MAD1L1: variants seen among roughly 807,000 people sequenced by gnomAD.
The protein encoded by MAD1L1 is mitotic arrest deficient 1 like 1.
In MAD1L1, 95 loss-of-function variants were observed where a neutral mutation model predicts 96.9. That is an observed-to-expected ratio of 0.98 (90% CI 0.83 to 1.16). MAD1L1 has a LOEUF of 1.16. Among genes scored for constraint, MAD1L1 ranks in the 50% most tolerant of loss-of-function variants. The pLI is 0.00. For synonymous variants in MAD1L1, 473 were observed against 396.6 expected (o/e 1.19, Z -2.29); for missense variants, 1,007 against 954.4 (o/e 1.06, Z -0.73).
chr7:1,962,133 T>C (rs772547617), intron 15 of MAD1L1, among the ~76,000 whole-genome samples: 4 of 152,182 alleles, frequency 2.6e-5, no homozygotes, highest in African/African-American at 4.8e-5. Context: ...TTCTCATCTA[T>C]TGTGGGAAGG....
chr7:1,870,548 AACACCTGCCACGCTGAACCCAACAT>A, intron 18 of MAD1L1, among the ~76,000 whole-genome samples: 1 of 143,462 alleles, frequency 7.0e-6, no homozygotes, highest in Non-Finnish European at 1.5e-5. Flanking sequence ...AACCGACCAT[AACACCTGCCACGCTGAACCCAACAT>A]ACGCCTGCCA....
rs568009425 is a variant in MAD1L1 at position 2,159,302 on chromosome 7, T to A, written c.987-10064A>T. 5.3e-5 allele frequency among the ~76,000 whole-genome samples: 8 copies of A among 152,254 alleles called. No individual in the cohort carries two copies. In the South Asian group the frequency reaches 1.5e-3, roughly 28 times the overall value. On this transcript the variant is annotated intron_variant, in intron 10 of 18. Transcript: ENST00000265854. ...TTCTCCACGTCACTGCCTCAAAACC[T>A]CCCACAACGGGAGCCACATTCCCAC...
chr7:1,967,740 G>A (rs759263069), intron 15 of MAD1L1, among the ~76,000 whole-genome samples: 1 of 152,226 alleles, frequency 6.6e-6, no homozygotes, highest in South Asian at 2.1e-4. Context: ...ACCCAATGAC[G>A]GGGCACAGCA....
At chr7:1,910,289 G>A (rs1410207297) in intron 17 of MAD1L1, among the ~76,000 whole-genome samples, 2 of 152,286 alleles carry the variant, frequency 1.3e-5, no homozygotes, top group Non-Finnish European at 2.9e-5. Context: ...GTGATCCTCC[G>A]GACACCCTGC....
In MAD1L1 at chr7:1,889,183, G is replaced by A. The variant is rs562602852; in HGVS notation, c.1998+9017C>T. Among the ~76,000 whole-genome samples, 9 of 152,246 alleles carry A rather than the reference G, an allele frequency of 5.9e-5. No homozygotes were observed. The South Asian group carries it at 6.2e-4, about 11-fold the overall frequency. Reference sequence around the variant, plus strand: ...AGGTGAAGCCATGTGTCCAGGTCCCGGGGCTGGCAGAGGCAAGCGACATCC... The same window carrying A: ...AGGTGAAGCCATGTGTCCAGGTCCCAGGGCTGGCAGAGGCAAGCGACATCC... On this transcript the variant is annotated intron_variant, in intron 18 of 18. Transcript: ENST00000265854.
chr7:1,952,556 T>C (rs1451000754), intron 16 of MAD1L1, among the ~76,000 whole-genome samples: 1 of 142,376 alleles, frequency 7.0e-6, no homozygotes. Context: ...CGCTGTGCCC[T>C]GGCTTAGAGC....
chr7:2,166,972 T>G (rs943876654), intron 10 of MAD1L1, among the ~76,000 whole-genome samples: 1 of 152,222 alleles, frequency 6.6e-6, no homozygotes, highest in Non-Finnish European at 1.5e-5. Flanking sequence ...AACCGGAATC[T>G]GCCTAACTGG....
At chr7:1,910,410 G>A (rs927433451) in intron 17 of MAD1L1, among the ~76,000 whole-genome samples, 3 of 152,338 alleles carry the variant, frequency 2.0e-5, no homozygotes, top group African/African-American at 7.2e-5. Context: ...AGGGCTGGTC[G>A]CAGCAGCCGT....
chr7:2,005,153 G>A (rs964386285), intron 13 of MAD1L1, among the ~76,000 whole-genome samples: 1 of 152,120 alleles, frequency 6.6e-6, no homozygotes, highest in Non-Finnish European at 1.5e-5. Flanking sequence ...AGACATCGAC[G>A]AGCTGAGTGC....
intron 18 of MAD1L1, among the ~76,000 whole-genome samples, chr7:1,856,331 T>A (rs2128644267): frequency 6.6e-6 from 1 of 152,168 alleles, no homozygotes; most frequent in East Asian, 1.9e-4. Context: ...GGGGCCACGC[T>A]CTGGGCTCAG....
intron 17 of MAD1L1, among the ~76,000 whole-genome samples, chr7:1,902,810 C>G (rs1787333152): frequency 6.6e-6 from 1 of 152,204 alleles, no homozygotes; most frequent in African/African-American, 2.4e-5. Context: ...ATTGATGAAG[C>G]ACTGTTCCAG....
intron 14 of MAD1L1, among the ~76,000 whole-genome samples, chr7:1,998,553 G>A (rs1562594500): frequency 6.6e-6 from 1 of 152,166 alleles, no homozygotes; most frequent in South Asian, 2.1e-4. Context: ...AGAACACCAG[G>A]GTCTCCACAG....
chr7:2,185,976 G>A lies in MAD1L1; in HGVS notation c.986+27236C>T, dbSNP rs1420439697. ...CCAGGGCAGACAGATGAGCCTGCAG[G>A]CAGGAAGCACTGTCATCTGAAACAT... is the stretch of plus-strand genomic sequence containing the variant. On this transcript the variant is annotated intron_variant, in intron 10 of 18. Transcript: ENST00000265854. Among the ~76,000 whole-genome samples, 4 of 152,324 alleles carry A rather than the reference G, an allele frequency of 2.6e-5. No individual in the cohort carries two copies. The East Asian group carries it at 7.7e-4, about 29-fold the overall frequency.
intron 11 of MAD1L1, among the ~76,000 whole-genome samples, chr7:2,092,861 A>G (rs1165533829): frequency 6.6e-6 from 1 of 152,132 alleles, no homozygotes. Flanking sequence ...CTCATCGTCC[A>G]ACCCCAGGGC....
chr7:1,823,300 T>C (rs537059569), intron 18 of MAD1L1, among the ~76,000 whole-genome samples: 1 of 152,056 alleles, frequency 6.6e-6, no homozygotes, highest in Admixed American at 6.5e-5. Context: ...AAACACAGAA[T>C]TATGTTAAAA....
chr7:2,232,720 G>C lies in MAD1L1; in HGVS notation c.-190+152C>G, dbSNP rs559276382. ...AGAGGAGAGCGCGCCCATGGGAGAC[G>C]GGGCGGGCGCGGGGTCCTGAGGCAC... On this transcript the variant is annotated intron_variant, in intron 1 of 18. Coordinates refer to ENST00000265854, the MANE Select transcript of MAD1L1 (RefSeq NM_001013836.2). Among the ~76,000 whole-genome samples the C allele has an allele frequency of 9.9e-5, 15 of 152,130 alleles. No homozygotes were observed. In the South Asian group the frequency reaches 2.9e-3, roughly 29 times the overall value.
chr7:2,146,697 T>C lies in MAD1L1; in HGVS notation c.1073+2455A>G, dbSNP rs1789324578. ...AAGTGACTTTAAAATGAGGCCCGCC[T>C]GGCAAAGCCCTCGGGGATCTGGGCC... On this transcript the variant is annotated intron_variant, in intron 11 of 18. Transcript: ENST00000265854. The surrounding 1 kb of genome is among the most constrained non-coding windows in gnomAD (Gnocchi z 6.2). 6.6e-6 allele frequency among the ~76,000 whole-genome samples: 1 copy of C among 152,232 alleles called. No homozygotes were observed. Among genetic ancestry groups the C allele is most frequent in the African/African-American group, 2.4e-5 (1 of 41,464 alleles).
At chr7:1,882,500 G>A (rs1001933188) in intron 18 of MAD1L1, among the ~76,000 whole-genome samples, 1 of 152,214 alleles carries the variant, frequency 6.6e-6, no homozygotes, top group Admixed American at 6.5e-5. Flanking sequence ...GGGGCGCGCG[G>A]GCCGTGTTTG....
chr7:2,190,859 G>A (rs1346393000), intron 10 of MAD1L1, among the ~76,000 whole-genome samples: 1 of 152,150 alleles, frequency 6.6e-6, no homozygotes. Context: ...TGGGGCCAGC[G>A]GAATTCTCAC....
Sources: allele counts gnomAD v4.1 joint callset (sites outside exome capture counted in the v4.1 genomes callset), GRCh38; gene constraint gnomAD v4.1.1; non-coding constraint Gnocchi (gnomAD v3.1); transcripts MANE v1.5; gene names NCBI Gene and HGNC (gene_info 2026-07-23, HGNC 2026-07-21).